NOP14: variants seen among roughly 807,000 people sequenced by gnomAD.
NOP14 encodes nucleolar protein 14.
In NOP14, 57 loss-of-function variants were observed where a neutral mutation model predicts 101.6. The ratio of observed to expected loss-of-function variants is 0.56; its 90% CI spans 0.45 to 0.70. The LOEUF is 0.70. Among genes scored for constraint, NOP14 ranks in the 30% least tolerant of loss-of-function variants. The pLI is 0.00. For synonymous variants in NOP14, 428 were observed against 424.0 expected, an observed-to-expected ratio of 1.01 and a Z score of -0.12; for missense variants, 1,134 against 1,075.5, an observed-to-expected ratio of 1.05 and a Z score of -0.76.
Position 2,939,593 on chromosome 4 carries a change from C to T in NOP14, c.2252G>A (p.Arg751Gln), listed in dbSNP as rs146093320. ...TEMESQKQLC[R>Q]PLTCEKSKPV... ...CTTGCTCTTCTCACAGGTCAGCGGCCGGCAGAGCTGCTTCTGGCTTTCCAT... is the reference window on the plus strand; with the variant it reads ...CTTGCTCTTCTCACAGGTCAGCGGCTGGCAGAGCTGCTTCTGGCTTTCCAT... Residue 751 changes from arginine to glutamine, a missense_variant, in exon 16 of 18, where the codon CGG (arginine) becomes CAG (glutamine). By Grantham distance (43) the Arg-to-Gln change is conservative. Coordinates refer to ENST00000416614, the MANE Select transcript of NOP14 (RefSeq NM_001291978.2). 1,071 of 1,613,928 alleles carry T rather than the reference C, an allele frequency of 6.6e-4. No homozygotes were observed. Among genetic ancestry groups the T allele is most frequent in the Non-Finnish European group, 8.1e-4 (956 of 1,180,028 alleles).
intron 1 of NOP14, among the ~76,000 whole-genome samples, chr4:2,960,756 C>CACATTAATATATTAATATAATT (rs1560310743): frequency 1.2e-5 from 1 of 83,264 alleles, no homozygotes; most frequent in Non-Finnish European, 2.6e-5. Flanking sequence ...ATATTATAAT[C>CACATTAATATATTAATATAATT]ACATTAATAT....
intron 14 of NOP14, chr4:2,941,960 C>T: frequency 1.6e-6 from 1 of 632,540 alleles, no homozygotes; most frequent in Non-Finnish European, 2.7e-6. Flanking sequence ...GATGGGGCGG[C>T]TCCATTTTTG....
At chr4:2,940,911 G>C (rs1714124255) in intron 15 of NOP14, 1 of 152,978 alleles carries the variant, frequency 6.5e-6, no homozygotes, top group Non-Finnish European at 1.5e-5. Context: ...CTGTGCTGGT[G>C]GTGCGGGACG....
At chr4:2,954,976 A>ACCACGGCGCCCCCTCTAGTCACCTGCATG (rs1715243541) in intron 3 of NOP14, among the ~76,000 whole-genome samples, 1 of 150,944 alleles carries the variant, frequency 6.6e-6, no homozygotes. Flanking sequence ...AGTCACCTGT[A>ACCACGGCGCCCCCTCTAGTCACCTGCATG]CCACGGCGCC....
intron 17 of NOP14, 106 bp downstream of exon 17, chr4:2,939,082 A>G (rs1713921245): frequency 5.2e-6 from 8 of 1,542,572 alleles, no homozygotes; most frequent in Non-Finnish European, 7.1e-6. Context: ...ACCCCCAGCC[A>G]GAGCCAAGGC....
intron 10 of NOP14, 175 bp downstream of exon 10, chr4:2,947,351 A>G: frequency 3.3e-6 from 2 of 600,018 alleles, no homozygotes; most frequent in Non-Finnish European, 5.9e-6. Context: ...ACGTGTGAGA[A>G]GCCGGCTTGC....
chr4:2,957,878 C>T (rs556955393), intron 1 of NOP14, 138 bp from the exon 2 acceptor site: 12 of 790,164 alleles, frequency 1.5e-5, no homozygotes, highest in East Asian at 2.7e-5. Context: ...CTTTCATGCA[C>T]GATAGGCTTT....
At position 2,939,594 on chromosome 4, in the gene NOP14, G is replaced by C; in HGVS notation, c.2251C>G (p.Arg751Gly). The change falls in exon 16 of 18, where the codon CGG becomes GGG. Residue 751 changes from arginine to glycine, a missense_variant. Physicochemically the swap from Arg to Gly is moderately radical, Grantham distance 125. Coordinates refer to ENST00000416614, the MANE Select transcript of NOP14 (RefSeq NM_001291978.2). ...TEMESQKQLC[R>G]PLTCEKSKPV... ...TTGCTCTTCTCACAGGTCAGCGGCCGGCAGAGCTGCTTCTGGCTTTCCATT... is the reference window on the plus strand; with the variant it reads ...TTGCTCTTCTCACAGGTCAGCGGCCCGCAGAGCTGCTTCTGGCTTTCCATT... 6.2e-7 allele frequency: 1 copy of C among 1,613,920 alleles called. No homozygotes were observed. Among genetic ancestry groups the C allele is most frequent in the South Asian group, 1.1e-5 (1 of 91,092 alleles).
At chr4:2,946,626 A>T (rs888983644) in intron 10 of NOP14, 79 bp from the exon 11 acceptor site, 6 of 1,368,122 alleles carry the variant, frequency 4.4e-6, no homozygotes, top group Non-Finnish European at 6.2e-6. Context: ...CCACTTTCCT[A>T]TGCAGTCACC....
At chr4:2,956,303 G>A (rs2109311516) in intron 3 of NOP14, among the ~76,000 whole-genome samples, 1 of 152,274 alleles carries the variant, frequency 6.6e-6, no homozygotes, top group Non-Finnish European at 1.5e-5. Flanking sequence ...ATTCAGTGAG[G>A]CACCTGGAGT....
intron 1 of NOP14, among the ~76,000 whole-genome samples, chr4:2,959,283 A>G (rs1212895166): frequency 6.6e-6 from 1 of 152,218 alleles, no homozygotes; most frequent in Non-Finnish European, 1.5e-5. Flanking sequence ...TGGCAGTGCT[A>G]AACAATGTTT....
chr4:2,957,865 C>T, intron 1 of NOP14, 125 bp from the exon 2 acceptor site: 2 of 934,102 alleles, frequency 2.1e-6, no homozygotes, highest in Non-Finnish European at 3.1e-6. Context: ...CACACCCAAT[C>T]TGCTTTCATG....
At chr4:2,959,985 T>A (rs954701434) in intron 1 of NOP14, among the ~76,000 whole-genome samples, 40 of 148,806 alleles carry the variant, frequency 2.7e-4, no homozygotes, top group African/African-American at 4.1e-4. Context: ...TTTTTTTTTT[T>A]TAAAGATGGA....
In NOP14 at chr4:2,963,340, C is replaced by T; in HGVS notation, c.-21G>A. On this transcript the variant is annotated 5_prime_UTR_variant, in exon 1 of 18. Coordinates refer to ENST00000416614, the MANE Select transcript of NOP14 (RefSeq NM_001291978.2). Reference sequence around the variant, plus strand: ...GCCATGGCGCGCGCCCCGCTGCGCCCAAGGGCCCGAGACCCGAAGAGAGAC... The same window carrying T: ...GCCATGGCGCGCGCCCCGCTGCGCCTAAGGGCCCGAGACCCGAAGAGAGAC... 6.5e-7 allele frequency: 1 copy of T among 1,548,982 alleles called. No homozygotes were observed. Among genetic ancestry groups the T allele is most frequent in the Non-Finnish European group, 8.7e-7 (1 of 1,153,578 alleles).
intron 1 of NOP14, chr4:2,961,267 T>TATATTAATGTA (rs1206115132): frequency 8.1e-6 from 1 of 124,082 alleles, no homozygotes; most frequent in Non-Finnish European, 1.8e-5. Flanking sequence ...AATAATATAG[T>TATATTAATGTA]TAGTATATTA....
At position 2,960,740 on chromosome 4, in the gene NOP14, A is replaced by ATGT. The variant is rs1413992584; in HGVS notation, c.195+2384_195+2385insACA. Among the ~76,000 whole-genome samples the ATGT allele has an allele frequency of 4.3e-3, 563 of 132,044 alleles. 47 individuals carry two copies. Among genetic ancestry groups the ATGT allele is most frequent in the African/African-American group, 0.011 (395 of 35,398 alleles). The allele number at this position is 132,044 out of a possible 152,430, so 86.6% of individuals were successfully genotyped here. On this transcript the variant is annotated intron_variant, in intron 1 of 17. Coordinates refer to ENST00000416614, the MANE Select transcript of NOP14 (RefSeq NM_001291978.2). The stretch of plus-strand genomic sequence containing the variant: ...ATATTATAATCACATTAATATTAAT[A>ATGT]TATTAATATTATAATCACATTAATA...
rs115978498 is a variant in NOP14, at chr4:2,941,323, G to A, written c.2199+259C>T. ...ACCCCTGGGCGCTGGTGCACCCTCC[G>A]TGCGGCCTCTTGGAGGAAGCACACA... On this transcript the variant is annotated intron_variant, in intron 15 of 17. Coordinates refer to ENST00000416614, the MANE Select transcript of NOP14 (RefSeq NM_001291978.2). The A allele has an allele frequency of 1.6e-3, 756 of 475,904 alleles. 4 individuals carry two copies. Among genetic ancestry groups the A allele is most frequent in the African/African-American group, 9.6e-3 (482 of 50,162 alleles). 29.5% of individuals were successfully genotyped at this position (475,904 alleles called of 1,614,324 possible). A position where few individuals can be genotyped will look rare whatever the true frequency, so the allele number is the denominator to read the frequency against.
intron 1 of NOP14, among the ~76,000 whole-genome samples, chr4:2,962,652 G>A (rs537044982): frequency 1.3e-5 from 2 of 151,174 alleles, no homozygotes; most frequent in African/African-American, 4.9e-5. Flanking sequence ...ATGTTCCTCA[G>A]TGAAAATTTA....
chr4:2,956,196 A>G (rs887352626), intron 3 of NOP14, among the ~76,000 whole-genome samples: 2 of 152,234 alleles, frequency 1.3e-5, no homozygotes, highest in African/African-American at 4.8e-5. Context: ...TCAAACTGCT[A>G]TAATTCCACA....
Sources: gnomAD v4.1 joint callset for allele counts (sites outside exome capture counted in the v4.1 genomes callset) on GRCh38, gnomAD v4.1.1 for gene constraint, MANE v1.5 for transcripts, NCBI Gene and HGNC (gene_info 2026-07-23, HGNC 2026-07-21) for gene names.